Variants in RARB observed in about 807,000 individuals in gnomAD.
The protein encoded by RARB is HBV-activated protein.
RARB carries 17 observed loss-of-function variants against 51.9 expected under a neutral mutation model. The ratio of observed to expected loss-of-function variants is 0.33; its 90% CI spans 0.22 to 0.49. The LOEUF (loss-of-function observed/expected upper bound fraction) is 0.49, where lower values mean the gene tolerates loss of function less well. RARB is among the 20% of genes least tolerant of loss of function. The pLI, the probability that RARB is intolerant of heterozygous loss-of-function variation, is 0.99. For missense variants in RARB, 369 were observed against 550.8 expected, an observed-to-expected ratio of 0.67 and a Z score of 3.30; for synonymous variants, 215 against 195.4, an observed-to-expected ratio of 1.10 and a Z score of -0.84.
chr3:25,087,050 A>G (rs1699118001), intron 3 of RARB, among the ~76,000 whole-genome samples: 1 of 152,196 alleles, frequency 6.6e-6, no homozygotes, highest in Non-Finnish European at 1.5e-5. Flanking sequence ...AATATGTCCA[A>G]GAAATGCATT....
At chr3:25,593,014 C>T (rs1701671905) in intron 5 of RARB, among the ~76,000 whole-genome samples, 1 of 152,062 alleles carries the variant, frequency 6.6e-6, no homozygotes, top group Non-Finnish European at 1.5e-5. Context: ...GCCTTAAGTC[C>T]TTCATTTGTA....
intron 5 of RARB, among the ~76,000 whole-genome samples, chr3:25,367,817 C>CAAAAAAAAAAAAAAAAAAAAAAA (rs369165017): frequency 8.0e-6 from 1 of 125,556 alleles, no homozygotes; most frequent in Admixed American, 7.9e-5. Context: ...AAAAAACAAG[C>CAAAAAAAAAAAAAAAAAAAAAAA]AAAAAAAAAA....
At chr3:25,060,309 A>AT (rs1257282816) in intron 3 of RARB, 3 of 151,852 alleles carry the variant, frequency 2.0e-5, no homozygotes, top group Non-Finnish European at 4.4e-5. Context: ...TTATATACAC[A>AT]TAAAAACCAA....
intron 5 of RARB, among the ~76,000 whole-genome samples, chr3:25,227,349 G>A (rs1003098419): frequency 6.6e-6 from 1 of 152,150 alleles, no homozygotes; most frequent in African/African-American, 2.4e-5. Context: ...TTTATTTGAT[G>A]TTCATTATGA....
chr3:25,553,079 T>C (rs1699912971), intron 3 of RARB, among the ~76,000 whole-genome samples: 1 of 151,774 alleles, frequency 6.6e-6, no homozygotes, highest in African/African-American at 2.4e-5. Context: ...TACTATGAAA[T>C]GCATGAGGAG....
chr3:25,244,434 C>T (rs1702507218), intron 5 of RARB, among the ~76,000 whole-genome samples: 1 of 152,128 alleles, frequency 6.6e-6, no homozygotes, highest in Admixed American at 6.5e-5. Flanking sequence ...TTCCCGCCTT[C>T]TCCTGTGGGT....
chr3:24,887,375 A>G (rs1703286155), intron 2 of RARB, among the ~76,000 whole-genome samples: 1 of 152,244 alleles, frequency 6.6e-6, no homozygotes, highest in Non-Finnish European at 1.5e-5. Flanking sequence ...CATGTCTCAT[A>G]GTATATTAAC....
chr3:25,243,514 C>T (rs142458175), intron 5 of RARB, among the ~76,000 whole-genome samples: 34 of 152,126 alleles, frequency 2.2e-4, no homozygotes, highest in African/African-American at 8.2e-4. Context: ...TGTTTTTAGC[C>T]TGAAGGGGTG....
At chr3:25,408,464 C>G (rs1334310931) in intron 5 of RARB, among the ~76,000 whole-genome samples, 1 of 152,068 alleles carries the variant, frequency 6.6e-6, no homozygotes, top group Non-Finnish European at 1.5e-5. Context: ...ATCATGAGAA[C>G]AGTAAGGGGG....
intron 1 of RARB, among the ~76,000 whole-genome samples, chr3:25,433,382 G>A (rs1033602732): frequency 1.3e-5 from 2 of 152,226 alleles, no homozygotes; most frequent in South Asian, 2.1e-4. Context: ...TCTGAAGATC[G>A]CCTTGTGTTT....
chr3:25,232,401 A>T (rs932024951), intron 5 of RARB, among the ~76,000 whole-genome samples: 6 of 152,290 alleles, frequency 3.9e-5, no homozygotes, highest in Middle Eastern at 3.4e-3. Context: ...AGATTCATTT[A>T]AAAAGAATTG....
intron 2 of RARB, among the ~76,000 whole-genome samples, chr3:24,938,875 A>G (rs182664527): frequency 6.6e-6 from 1 of 152,334 alleles, no homozygotes; most frequent in Non-Finnish European, 1.5e-5. Flanking sequence ...AGGCTCATCA[A>G]TGTTGTAGCA....
intron 2 of RARB, among the ~76,000 whole-genome samples, chr3:24,980,982 A>G (rs1696653508): frequency 6.6e-6 from 1 of 151,694 alleles, no homozygotes; most frequent in Non-Finnish European, 1.5e-5. Flanking sequence ...TGCTGATGCT[A>G]TTCCTTTCGT....
At chr3:25,350,566 T>G (rs535906352) in intron 5 of RARB, among the ~76,000 whole-genome samples, 1 of 152,332 alleles carries the variant, frequency 6.6e-6, no homozygotes, top group Non-Finnish European at 1.5e-5. Context: ...CACTGCCTAA[T>G]GCTTTATTAA....
chr3:25,223,710 TAA>T lies in RARB; in HGVS notation c.178+49137_178+49138del, dbSNP rs375624041. ...AGTCCCTCAAAATAAGAGTAAAATATAAAGAGAAAAGTTCCATTAGTTACCAG... is the reference window on the plus strand; with the variant it reads ...AGTCCCTCAAAATAAGAGTAAAATATAGAGAAAAGTTCCATTAGTTACCAG... On this transcript the variant is annotated intron_variant, in intron 5 of 11. Coordinates refer to the RARB transcript ENST00000383772. 5.3e-4 allele frequency among the ~76,000 whole-genome samples: 81 copies of T among 152,332 alleles called. 1 individual carries two copies. The East Asian group carries it at 0.015, about 28-fold the overall frequency.
At chr3:25,200,528 C>G (rs538075494) in intron 5 of RARB, among the ~76,000 whole-genome samples, 53 of 152,218 alleles carry the variant, frequency 3.5e-4, no homozygotes, top group African/African-American at 1.3e-3. Flanking sequence ...ATGTCTATGT[C>G]CTGAATGGTA....
intron 4 of RARB, among the ~76,000 whole-genome samples, chr3:25,155,690 C>T (rs1045216644): frequency 6.6e-6 from 1 of 152,174 alleles, no homozygotes; most frequent in African/African-American, 2.4e-5. Context: ...TACAATTCCT[C>T]TTGATTTTCA....
intron 3 of RARB, among the ~76,000 whole-genome samples, chr3:25,128,477 A>C (rs1003880300): frequency 6.9e-6 from 1 of 144,140 alleles, no homozygotes; most frequent in Non-Finnish European, 1.5e-5. Context: ...TATACTAGAA[A>C]TATATCTAGT....
At chr3:25,513,899 G>T (rs981309456) in intron 3 of RARB, among the ~76,000 whole-genome samples, 2 of 152,120 alleles carry the variant, frequency 1.3e-5, no homozygotes, top group African/African-American at 4.8e-5. Flanking sequence ...TGGAAATATT[G>T]TATGTTTTCA....
Sources: allele counts gnomAD v4.1 joint callset (sites outside exome capture counted in the v4.1 genomes callset), GRCh38; gene constraint gnomAD v4.1.1; transcripts MANE v1.5; gene names NCBI Gene and HGNC (gene_info 2026-07-23, HGNC 2026-07-21).